Variants in MAST3 observed in about 807,000 individuals in gnomAD.
The protein encoded by MAST3 is microtubule associated serine/threonine kinase 3, also known as microtubule-associated serine/threonine-protein kinase 3.
A neutral mutation model predicts 127.0 loss-of-function variants in MAST3; 43 were observed. That is an observed-to-expected ratio of 0.34 (90% CI 0.27 to 0.44). The LOEUF (loss-of-function observed/expected upper bound fraction) is 0.44, where lower values mean the gene tolerates loss of function less well. Among genes scored for constraint, MAST3 ranks in the 20% least tolerant of loss-of-function variants. MAST3 has a pLI of 1.00. For missense variants in MAST3, 1,390 were observed against 1,919.1 expected (o/e 0.72, Z 5.15); for synonymous variants, 785 against 809.2 (o/e 0.97, Z 0.51).
Position 18,145,454 on chromosome 19 carries a change from C to T in MAST3, c.3039+225C>T, listed in dbSNP as rs1402676555. Among the ~76,000 whole-genome samples, 2 of 152,212 alleles carry T rather than the reference C, an allele frequency of 1.3e-5. No individual in the cohort carries two copies. Among genetic ancestry groups the T allele is most frequent in the Admixed American group, 1.3e-4 (2 of 15,278 alleles). On this transcript the variant is annotated intron_variant, in intron 24 of 27. Transcript: ENST00000687212. The surrounding 1 kb of genome is among the most constrained non-coding windows in gnomAD (Gnocchi z 5.9). ...ATCCCAAGTGGCATTAACCTCCCAG[C>T]TCCATATGGGGACGCACTGGGCATG...
intron 1 of MAST3, among the ~76,000 whole-genome samples, chr19:18,107,140 G>C (rs981425576): frequency 1.3e-5 from 2 of 151,876 alleles, no homozygotes; most frequent in Admixed American, 6.6e-5. Context: ...TTTTTAAAAA[G>C]TTTTGTAGAG....
intron 17 of MAST3, 97 bp from the exon 18 acceptor site, chr19:18,135,643 G>A (rs548996631): frequency 1.1e-6 from 1 of 922,780 alleles, no homozygotes; most frequent in South Asian, 1.6e-5. Flanking sequence ...CAGTGGCTTG[G>A]AGTACAGTGA....
intron 1 of MAST3, among the ~76,000 whole-genome samples, chr19:18,098,354 G>A (rs2037188720): frequency 7.0e-6 from 1 of 142,196 alleles, no homozygotes; most frequent in South Asian, 2.2e-4. Context: ...CTCTCCAGAG[G>A]TCGCCTAGCT....
rs143097601 is a variant in MAST3, at chr19:18,103,516, C to T, written c.40-4071C>T. Among the ~76,000 whole-genome samples the T allele has an allele frequency of 2.6e-3, 392 of 152,196 alleles. 3 individuals carry two copies. The highest frequency in any genetic ancestry group is 0.017 in the Admixed American group (256 of 15,284). ...TCGCACCATTGCCCTCCAGCCTGGGCGACAGAGCAAGTCTCCATCTGAAAA... is the reference window on the plus strand; with the variant it reads ...TCGCACCATTGCCCTCCAGCCTGGGTGACAGAGCAAGTCTCCATCTGAAAA... On this transcript the variant is annotated intron_variant, in intron 1 of 27. Transcript: ENST00000687212.
At chr19:18,140,454 C>G (rs944114819) in intron 20 of MAST3, among the ~76,000 whole-genome samples, 1 of 152,208 alleles carries the variant, frequency 6.6e-6, no homozygotes, top group Non-Finnish European at 1.5e-5. Context: ...ACCATCACCT[C>G]TATCTAGCTC....
In MAST3 at chr19:18,121,704, A is replaced by T; in HGVS notation, c.181A>T (p.Lys61Ter). The change falls in exon 4 of 28, where the codon AAG (lysine) becomes TAG (stop). Residue 61 changes from lysine (K) to a stop codon, truncating the protein, a stop_gained. Transcript: ENST00000687212. LOFTEE classifies it high-confidence loss of function. Reference protein sequence around the residue: ...HPWSCRSGNRKSLVVGTPSPT... With the variant: ...HPWSCRSGNR ...CCACAGCTGCCGCAGCGGGAACCGC[A>T]AGAGCTTGGTGGTAGGAACGCCCTC... The T allele has an allele frequency of 6.2e-7, 1 of 1,613,914 alleles. No individual in the cohort carries two copies. Among genetic ancestry groups the T allele is most frequent in the Non-Finnish European group, 8.5e-7 (1 of 1,179,866 alleles).
intron 12 of MAST3, among the ~76,000 whole-genome samples, 160 bp from the exon 13 acceptor site, chr19:18,128,706 G>A (rs1389382579): frequency 1.3e-5 from 2 of 152,168 alleles, no homozygotes; most frequent in Non-Finnish European, 2.9e-5. Context: ...GGGCACAGCT[G>A]TGAGCAAAAA....
At chr19:18,121,610 G>C in intron 3 of MAST3, 75 bp from the exon 4 acceptor site, 1 of 1,256,836 alleles carries the variant, frequency 8.0e-7, no homozygotes. Context: ...GGCTGCGAGT[G>C]TGATTTAGGC....
rs2043475983 is a variant in MAST3, at chr19:18,150,791, C to T, written c.*1065C>T. On this transcript the variant is annotated 3_prime_UTR_variant, in exon 28 of 28. Transcript: ENST00000687212. Reference sequence around the variant, plus strand: ...GTTCACCGGATCTGGGCAGAGGGGTCATCCGCTCCCCAGGTGGGCACTGAT... The same window carrying T: ...GTTCACCGGATCTGGGCAGAGGGGTTATCCGCTCCCCAGGTGGGCACTGAT... 6.6e-6 allele frequency: 1 copy of T among 152,236 alleles called. No individual in the cohort carries two copies. Among genetic ancestry groups the T allele is most frequent in the Non-Finnish European group, 1.5e-5 (1 of 68,072 alleles). The allele number at this position is 152,236 out of a possible 1,614,324, so 9.4% of individuals were successfully genotyped here.
chr19:18,116,961 T>G (rs911929030), intron 3 of MAST3, among the ~76,000 whole-genome samples: 1 of 150,796 alleles, frequency 6.6e-6, no homozygotes, highest in Non-Finnish European at 1.5e-5. Flanking sequence ...GGCCCCAGCA[T>G]TGGGCCTGGA....
intron 17 of MAST3, 45 bp from the exon 18 acceptor site, chr19:18,135,695 G>A (rs773706796): frequency 6.9e-6 from 10 of 1,439,246 alleles, no homozygotes; most frequent in Non-Finnish European, 9.6e-6. Flanking sequence ...GGGGTACCCT[G>A]CCTTCTCCCT....
At position 18,121,593 on chromosome 19, in the gene MAST3, C is replaced by T. The variant is rs2039985081; in HGVS notation, c.162-92C>T. ...CCATGTCCAACATCCCATCCTTCTC[C>T]AGAACGGGCTGCGAGTGTGATTTAG... On this transcript the variant is annotated intron_variant, in intron 3 of 27. Transcript: ENST00000687212. 2.7e-6 allele frequency: 3 copies of T among 1,105,314 alleles called. No individual in the cohort carries two copies. In the East Asian group the frequency reaches 7.1e-5, roughly 26 times the overall value. 68.5% of individuals were successfully genotyped at this position (1,105,314 alleles called of 1,614,324 possible). A position where few individuals can be genotyped will look rare whatever the true frequency, so the allele number is the denominator to read the frequency against.
chr19:18,129,285 G>T, intron 13 of MAST3: 1 of 285,008 alleles, frequency 3.5e-6, no homozygotes, highest in Non-Finnish European at 6.7e-6. Flanking sequence ...TGGCAGGCTT[G>T]CATACAAGGG....
intron 11 of MAST3, among the ~76,000 whole-genome samples, chr19:18,125,061 C>T (rs56338130): frequency 0.22 from 33,534 of 151,906 alleles, 3,724 homozygotes; most frequent in Non-Finnish European, 0.25. Flanking sequence ...GAGCTGAGAT[C>T]GCGCCACTGC....
intron 15 of MAST3, among the ~76,000 whole-genome samples, chr19:18,133,743 G>A (rs897139319): frequency 1.2e-4 from 18 of 151,748 alleles, no homozygotes; most frequent in African/African-American, 4.1e-4. Context: ...TAGTAGAGAC[G>A]GGGTTTCACC....
chr19:18,122,839 A>T, intron 6 of MAST3, 88 bp downstream of exon 6: 1 of 1,346,890 alleles, frequency 7.4e-7, no homozygotes, highest in Non-Finnish European at 1.0e-6. Context: ...AAGGTGTTGG[A>T]TAGTTGTGCA....
intron 1 of MAST3, among the ~76,000 whole-genome samples, chr19:18,102,158 G>A (rs2037687803): frequency 6.6e-6 from 1 of 151,768 alleles, no homozygotes; most frequent in African/African-American, 2.4e-5. Flanking sequence ...GAGATTACAG[G>A]TGTTAGCCAC....
intron 1 of MAST3, among the ~76,000 whole-genome samples, chr19:18,099,593 C>T (rs2037380493): frequency 6.6e-6 from 1 of 152,080 alleles, no homozygotes; most frequent in Non-Finnish European, 1.5e-5. Context: ...CCGGGTTTCA[C>T]AAAGTATAGG....
chr19:18,104,149 C>CAG (rs1301140496), intron 1 of MAST3, among the ~76,000 whole-genome samples: 1 of 121,972 alleles, frequency 8.2e-6, no homozygotes, highest in Non-Finnish European at 1.6e-5. Context: ...CACTGCATTC[C>CAG]AGTCTGGGCG....
Sources: gnomAD v4.1 joint callset for allele counts (sites outside exome capture counted in the v4.1 genomes callset) on GRCh38, gnomAD v4.1.1 for gene constraint, Gnocchi (gnomAD v3.1) non-coding constraint, MANE v1.5 for transcripts, NCBI Gene and HGNC (gene_info 2026-07-23, HGNC 2026-07-21) for gene names.